The following GPR176 variants were observed in gnomAD, a reference collection of about 807,000 sequenced individuals.
GPR176 encodes G-protein coupled receptor 176.
Under a neutral mutation model 35.4 loss-of-function variants are expected in GPR176, and 26 were observed. That is an observed-to-expected ratio of 0.74 (90% CI 0.54 to 1.02). The LOEUF (loss-of-function observed/expected upper bound fraction) is 1.02, where lower values mean the gene tolerates loss of function less well. Among genes scored for constraint, GPR176 ranks in the 50% least tolerant of loss-of-function variants. The pLI is 0.00. For synonymous variants in GPR176, 278 were observed against 271.3 expected (o/e 1.02, Z -0.24); for missense variants, 597 against 665.3 (o/e 0.90, Z 1.13).
At chr15:39,818,958 G>A (rs939439460) in intron 1 of GPR176, among the ~76,000 whole-genome samples, 1 of 152,158 alleles carries the variant, frequency 6.6e-6, no homozygotes, top group Non-Finnish European at 1.5e-5. Context: ...TAACCTCCTT[G>A]AGAAGCACAT....
Position 39,918,525 on chromosome 15 carries a change from C to T in GPR176, c.172+1330G>A, listed in dbSNP as rs374839452. On this transcript the variant is annotated intron_variant, in intron 1 of 2. Coordinates refer to ENST00000561100, the MANE Select transcript of GPR176 (RefSeq NM_007223.3). The stretch of plus-strand genomic sequence containing the variant: ...TCACTTCTACTACCTCTCCAATAAC[C>T]CACACTTTAAGTGTGACAATACTCA... 1.5e-3 allele frequency among the ~76,000 whole-genome samples: 231 copies of T among 152,180 alleles called. 1 individual carries two copies. The highest frequency in any genetic ancestry group is 2.8e-3 in the Non-Finnish European group (192 of 68,010).
At chr15:39,868,117 A>G (rs1295294268) in intron 1 of GPR176, among the ~76,000 whole-genome samples, 1 of 152,130 alleles carries the variant, frequency 6.6e-6, no homozygotes, top group Non-Finnish European at 1.5e-5. Flanking sequence ...CTAAGTGCAA[A>G]GGGCACCAGG....
intron 2 of GPR176, among the ~76,000 whole-genome samples, chr15:39,804,804 T>C (rs528019767): frequency 1.3e-5 from 2 of 152,188 alleles, no homozygotes; most frequent in Non-Finnish European, 2.9e-5. Flanking sequence ...AACATGAACT[T>C]TGAAAACATG....
chr15:39,821,183 T>C (rs182948053), intron 1 of GPR176, among the ~76,000 whole-genome samples: 1 of 152,314 alleles, frequency 6.6e-6, no homozygotes, highest in Admixed American at 6.5e-5. Flanking sequence ...TTCCTGCTGG[T>C]TCAAAATAAT....
intron 1 of GPR176, among the ~76,000 whole-genome samples, chr15:39,911,911 T>TA (rs924377984): frequency 4.6e-5 from 7 of 152,040 alleles, no homozygotes; most frequent in Non-Finnish European, 8.8e-5. Flanking sequence ...TATCTTCTTT[T>TA]AAAAAAAAGT....
intron 1 of GPR176, among the ~76,000 whole-genome samples, chr15:39,861,679 A>G (rs115434372): frequency 6.6e-6 from 1 of 152,144 alleles, no homozygotes; most frequent in African/African-American, 2.4e-5. Context: ...CTGTACTCTT[A>G]AAGAGTGACA....
intron 1 of GPR176, among the ~76,000 whole-genome samples, chr15:39,909,307 G>A (rs904710547): frequency 6.6e-6 from 1 of 152,166 alleles, no homozygotes; most frequent in Non-Finnish European, 1.5e-5. Flanking sequence ...ACTTCCTCAC[G>A]TAATAGTTGG....
chr15:39,866,534 T>G (rs76240683), intron 1 of GPR176, among the ~76,000 whole-genome samples: 379 of 152,308 alleles, frequency 2.5e-3, no homozygotes, highest in African/African-American at 8.7e-3. Flanking sequence ...CAAACTTCAC[T>G]AGTAGGATTA....
chr15:39,859,805 G>C (rs1170002575), intron 1 of GPR176, among the ~76,000 whole-genome samples: 1 of 152,118 alleles, frequency 6.6e-6, no homozygotes, highest in African/African-American at 2.4e-5. Context: ...AACGGCGGCT[G>C]GGGTGAGGGA....
intron 1 of GPR176, among the ~76,000 whole-genome samples, chr15:39,854,018 G>C (rs74008974): frequency 3.3e-5 from 5 of 152,026 alleles, no homozygotes; most frequent in African/African-American, 9.7e-5. Context: ...CTGAGGTCAA[G>C]TTGCCTACAA....
At chr15:39,831,385 G>A (rs1041129381) in intron 1 of GPR176, among the ~76,000 whole-genome samples, 9 of 152,070 alleles carry the variant, frequency 5.9e-5, no homozygotes, top group African/African-American at 2.2e-4. Flanking sequence ...TGTCTGTCCA[G>A]CCCAGACCTC....
At chr15:39,900,755 C>T (rs2033253306) in intron 1 of GPR176, among the ~76,000 whole-genome samples, 1 of 152,164 alleles carries the variant, frequency 6.6e-6, no homozygotes, top group Non-Finnish European at 1.5e-5. Flanking sequence ...GAGCCTGCAA[C>T]ATGAGGAGTG....
Position 39,920,138 on chromosome 15 carries a change from G to C in GPR176, c.-112C>G. 1.5e-6 allele frequency: 1 copy of C among 680,232 alleles called. No individual in the cohort carries two copies. The highest frequency in any genetic ancestry group is 2.1e-6 in the Non-Finnish European group (1 of 476,622). 42.1% of individuals were successfully genotyped at this position (680,232 alleles called of 1,614,324 possible). ...GGGCGCCTGGCGGAGTCCTGGAGAA[G>C]CCGGAGCAGCCGACGGGTCCCCTCA... On this transcript the variant is annotated 5_prime_UTR_variant, in exon 1 of 3. Transcript: ENST00000561100.
chr15:39,863,872 G>A (rs1224237680), intron 1 of GPR176, among the ~76,000 whole-genome samples: 5 of 152,104 alleles, frequency 3.3e-5, no homozygotes, highest in Non-Finnish European at 7.3e-5. Flanking sequence ...TGATGAAATC[G>A]CCTAATGACA....
chr15:39,908,697 TTCTC>T (rs1419789723), intron 1 of GPR176, among the ~76,000 whole-genome samples: 3 of 152,184 alleles, frequency 2.0e-5, no homozygotes, highest in Admixed American at 2.0e-4. Context: ...TCACCTCTGC[TTCTC>T]TCTCTATCCT....
intron 1 of GPR176, among the ~76,000 whole-genome samples, chr15:39,895,683 G>T (rs537765427): frequency 6.6e-6 from 1 of 152,078 alleles, no homozygotes; most frequent in East Asian, 1.9e-4. Flanking sequence ...GATGATGAGG[G>T]TGGTAGAGCA....
In GPR176 at chr15:39,801,192, C is replaced by G. The variant is rs1329797549; in HGVS notation, c.1488G>C (p.Arg496Ser). Reference sequence around the variant, plus strand: ...TGTTTCTGCTCATCTTCCGCTCCACCCTGCCTACCTTGGGCACCTTTGTCT... The same window carrying G: ...TGTTTCTGCTCATCTTCCGCTCCACGCTGCCTACCTTGGGCACCTTTGTCT... ...LIQTKVPKVG[R>S]VERKMSRNNK... Residue 496 changes from arginine to serine, a missense_variant, in exon 3 of 3, where the codon AGG becomes AGC. Physicochemically the swap from Arg to Ser is moderately radical, Grantham distance 110 (BLOSUM62 -1). Transcript: ENST00000561100. 5.6e-6 allele frequency: 9 copies of G among 1,613,920 alleles called. No individual in the cohort carries two copies. Among genetic ancestry groups the G allele is most frequent in the Middle Eastern group, 1.6e-4 (1 of 6,084 alleles).
chr15:39,900,513 A>C (rs2033246150), intron 1 of GPR176, among the ~76,000 whole-genome samples: 1 of 152,182 alleles, frequency 6.6e-6, no homozygotes. Flanking sequence ...GACCAAATGG[A>C]AGTACAGTTA....
At chr15:39,872,913 GTGTGT>G (rs2032101345) in intron 1 of GPR176, among the ~76,000 whole-genome samples, 1 of 212 alleles carries the variant, frequency 4.7e-3, no homozygotes, top group Non-Finnish European at 6.4e-3. Context: ...CAAAATATCT[GTGTGT>G]GTGTGTGTGT....
Sources: allele counts gnomAD v4.1 joint callset (sites outside exome capture counted in the v4.1 genomes callset), GRCh38; gene constraint gnomAD v4.1.1; transcripts MANE v1.5; gene names NCBI Gene and HGNC (gene_info 2026-07-23, HGNC 2026-07-21).